EIF4G3: variants seen among roughly 807,000 people sequenced by gnomAD.
EIF4G3 encodes the protein eukaryotic translation initiation factor 4 gamma 3, also known as eIF-4-gamma 3.
EIF4G3 carries 34 observed loss-of-function variants against 186.4 expected under a neutral mutation model. The ratio of observed to expected loss-of-function variants is 0.18; its 90% confidence interval spans 0.14 to 0.24. EIF4G3 has a LOEUF of 0.24. Ranked by LOEUF, EIF4G3 falls within the 10% of genes least tolerant of loss-of-function variation. The pLI, the probability that EIF4G3 is intolerant of heterozygous loss-of-function variation, is 1.00. For missense variants in EIF4G3, 1,536 were observed against 1,948.5 expected (o/e 0.79, Z 3.99); for synonymous variants, 673 against 679.5 (o/e 0.99, Z 0.15).
chr1:21,020,292 A>G (rs1196120326), intron 4 of EIF4G3, among the ~76,000 whole-genome samples: 1 of 152,136 alleles, frequency 6.6e-6, no homozygotes, highest in Non-Finnish European at 1.5e-5. Context: ...GTTCAAGACC[A>G]GCCTGGGTAA....
intron 14 of EIF4G3, among the ~76,000 whole-genome samples, chr1:20,918,826 T>C (rs938116850): frequency 1.3e-5 from 2 of 151,220 alleles, no homozygotes; most frequent in Non-Finnish European, 2.9e-5. Context: ...ATTATAGGTC[T>C]GAGCCACTGC....
chr1:20,865,561 T>TAA (rs76034895), intron 20 of EIF4G3, among the ~76,000 whole-genome samples: 4 of 142,850 alleles, frequency 2.8e-5, no homozygotes. Flanking sequence ...AGACCTTATT[T>TAA]AAAAAAAAAA....
intron 2 of EIF4G3, among the ~76,000 whole-genome samples, chr1:21,139,415 A>G (rs2097301688): frequency 6.6e-6 from 1 of 152,010 alleles, no homozygotes. Context: ...CAATCTCACC[A>G]CTGCACTCCA....
At chr1:20,964,762 A>T (rs1486294229) in intron 12 of EIF4G3, among the ~76,000 whole-genome samples, 1 of 152,152 alleles carries the variant, frequency 6.6e-6, no homozygotes, top group Non-Finnish European at 1.5e-5. Flanking sequence ...TCCTCATCTC[A>T]CTGACCCAAA....
intron 7 of EIF4G3, among the ~76,000 whole-genome samples, chr1:20,990,144 A>C (rs2080747891): frequency 6.6e-6 from 1 of 152,238 alleles, no homozygotes; most frequent in South Asian, 2.1e-4. Flanking sequence ...ACTCCACTCC[A>C]GCATGGGTGA....
chr1:21,084,023 TCAC>T (rs1312829644), intron 3 of EIF4G3, among the ~76,000 whole-genome samples: 5 of 152,050 alleles, frequency 3.3e-5, no homozygotes, highest in East Asian at 1.9e-4. Context: ...CCCATTTCAA[TCAC>T]CACCACATGT....
chr1:21,072,624 G>A (rs758172855), intron 3 of EIF4G3, among the ~76,000 whole-genome samples: 1 of 151,918 alleles, frequency 6.6e-6, no homozygotes, highest in South Asian at 2.1e-4. Context: ...GGATGGTCTC[G>A]ATCTCCTGAC....
chr1:21,044,295 T>C (rs2093748689), intron 4 of EIF4G3, among the ~76,000 whole-genome samples: 1 of 152,194 alleles, frequency 6.6e-6, no homozygotes, highest in African/African-American at 2.4e-5. Flanking sequence ...GCAAATGTCA[T>C]TAAAAGTTAC....
chr1:20,967,419 T>A (rs2074931217), intron 12 of EIF4G3, among the ~76,000 whole-genome samples: 1 of 152,202 alleles, frequency 6.6e-6, no homozygotes, highest in Non-Finnish European at 1.5e-5. Flanking sequence ...TACTTCAATT[T>A]GAAAATTTTG....
chr1:21,042,905 A>T (rs1248010210), intron 4 of EIF4G3, among the ~76,000 whole-genome samples: 2 of 152,250 alleles, frequency 1.3e-5, no homozygotes, highest in African/African-American at 4.8e-5. Flanking sequence ...ACACATGCTA[A>T]TCTCTGCAGC....
At chr1:21,048,272 A>T (rs1450460542) in intron 4 of EIF4G3, among the ~76,000 whole-genome samples, 2 of 152,154 alleles carry the variant, frequency 1.3e-5, no homozygotes, top group Admixed American at 1.3e-4. Context: ...TCAAATGGAA[A>T]ACTAAGCTAT....
Position 21,022,251 on chromosome 1 carries a change from T to C in EIF4G3, c.-66-19443A>G, listed in dbSNP as rs558996139. Among the ~76,000 whole-genome samples the C allele has an allele frequency of 2.0e-5, 3 of 152,344 alleles. No individual in the cohort carries two copies. The South Asian group carries it at 6.2e-4, about 32-fold the overall frequency. ...GGCTGACTATATATCCAGTTATTTA[T>C]AAGGGAAAGCACTCAATGATGGGTG... On this transcript the variant is annotated intron_variant, in intron 4 of 36. Transcript: ENST00000602326.
In EIF4G3 at chr1:20,810,502, G is replaced by C. The variant is rs942107550; in HGVS notation, c.4744+236C>G. Among the ~76,000 whole-genome samples, 5 of 152,172 alleles carry C rather than the reference G, an allele frequency of 3.3e-5. No individual in the cohort carries two copies. The highest frequency in any genetic ancestry group is 3.4e-3 in the Middle Eastern group (1 of 294). Reference sequence around the variant, plus strand: ...AGGGTTTCACCATGTTGGCCAGGCTGGTCTTGAACTCTTGACCTCAAGTGA... The same window carrying C: ...AGGGTTTCACCATGTTGGCCAGGCTCGTCTTGAACTCTTGACCTCAAGTGA... On this transcript the variant is annotated intron_variant, in intron 36 of 36. Transcript: ENST00000602326. This position sits in a 1 kb window ranked among gnomAD's most constrained non-coding sequence, Gnocchi z 4.1.
chr1:20,860,150 A>C (rs2076011495), intron 24 of EIF4G3, among the ~76,000 whole-genome samples: 1 of 152,214 alleles, frequency 6.6e-6, no homozygotes, highest in South Asian at 2.1e-4. Flanking sequence ...AAGATGCTCA[A>C]TAAAGTCTTA....
At chr1:20,972,261 G>C (rs2076051853) in intron 11 of EIF4G3, among the ~76,000 whole-genome samples, 1 of 152,058 alleles carries the variant, frequency 6.6e-6, no homozygotes, top group East Asian at 1.9e-4. Context: ...GATTTTTCTT[G>C]CTATCCTTAA....
At chr1:21,151,801 TACA>T (rs1297343967) in intron 2 of EIF4G3, among the ~76,000 whole-genome samples, 9 of 152,178 alleles carry the variant, frequency 5.9e-5, no homozygotes, top group African/African-American at 1.4e-4. Context: ...CAAAATTTAA[TACA>T]ACAACAGTCC....
At chr1:21,033,221 G>C (rs1057386038) in intron 4 of EIF4G3, among the ~76,000 whole-genome samples, 1 of 151,884 alleles carries the variant, frequency 6.6e-6, no homozygotes, top group Admixed American at 6.6e-5. Flanking sequence ...CAACAATGCA[G>C]GAAAAATAAA....
At chr1:20,882,241 G>A (rs952563962) in intron 19 of EIF4G3, among the ~76,000 whole-genome samples, 6 of 151,100 alleles carry the variant, frequency 4.0e-5, no homozygotes, top group Middle Eastern at 3.2e-3. Context: ...TAAGCTACAG[G>A]AGCTCATGCC....
intron 14 of EIF4G3, among the ~76,000 whole-genome samples, chr1:20,930,760 A>G (rs1208446621): frequency 2.6e-5 from 4 of 152,176 alleles, no homozygotes; most frequent in African/African-American, 4.8e-5. Context: ...TACTTCTTCT[A>G]CTGAAGTCTT....
Sources: allele counts gnomAD v4.1 joint callset (sites outside exome capture counted in the v4.1 genomes callset), GRCh38; gene constraint gnomAD v4.1.1; non-coding constraint Gnocchi (gnomAD v3.1); transcripts MANE v1.5; gene names NCBI Gene and HGNC (gene_info 2026-07-23, HGNC 2026-07-21).